Variants in STS observed in about 807,000 individuals in gnomAD.
STS encodes steroid sulfatase.
A neutral mutation model predicts 26.8 loss-of-function variants in STS; 7 were observed. The observed-to-expected ratio is 0.26, with a 90% CI of 0.15 to 0.49. The LOEUF (loss-of-function observed/expected upper bound fraction) is 0.49, where lower values mean the gene tolerates loss of function less well. Among genes scored for constraint, STS ranks in the 20% least tolerant of loss-of-function variants. STS has a pLI of 0.98. For missense variants in STS, 434 were observed against 465.6 expected, an observed-to-expected ratio of 0.93 and a Z score of 0.63; for synonymous variants, 199 against 189.4, an observed-to-expected ratio of 1.05 and a Z score of -0.42.
chrX:7,250,495 G>A (rs902640551), intron 2 of STS, among the ~76,000 whole-genome samples: 15 of 110,708 alleles, frequency 1.4e-4, no homozygotes, highest in African/African-American at 4.6e-4. Context: ...AGATAGACAA[G>A]GTTTTTGTTG....
chrX:7,290,809 T>C (rs184229903), intron 7 of STS, among the ~76,000 whole-genome samples: 1 of 111,963 alleles, frequency 8.9e-6, no homozygotes, highest in Non-Finnish European at 1.9e-5. Context: ...GATCATTTCA[T>C]TGCCTTTCTT....
intron 3 of STS, among the ~76,000 whole-genome samples, chrX:7,256,126 A>G (rs1166923939): frequency 2.7e-5 from 3 of 112,200 alleles, no homozygotes; most frequent in African/African-American, 9.7e-5. Flanking sequence ...GAACTGAAGG[A>G]TGGCAGATGA....
intron 1 of STS, among the ~76,000 whole-genome samples, chrX:7,152,207 C>T (rs1933032182): frequency 8.9e-6 from 1 of 111,996 alleles, no homozygotes; most frequent in South Asian, 3.7e-4. Flanking sequence ...CCCCCTCAGC[C>T]TCCCAAAGTG....
chrX:7,326,066 T>C (rs1927449652), intron 9 of STS, among the ~76,000 whole-genome samples: 2 of 111,328 alleles, frequency 1.8e-5, no homozygotes, highest in Middle Eastern at 9.1e-3. Context: ...CGACCTGCAT[T>C]GGGGAAGAGG....
chrX:7,347,331 C>G (rs1038616176), intron 10 of STS, among the ~76,000 whole-genome samples: 1 of 111,814 alleles, frequency 8.9e-6, no homozygotes, highest in Middle Eastern at 4.2e-3. Context: ...AGCACAGAGA[C>G]TAAGCAATCT....
At chrX:7,307,047 C>G (rs1392670702) in intron 8 of STS, among the ~76,000 whole-genome samples, 4 of 111,392 alleles carry the variant, frequency 3.6e-5, no homozygotes, top group Non-Finnish European at 7.5e-5. Flanking sequence ...GGAACCGTCT[C>G]CTACACCTTT....
At chrX:7,329,447 C>T (rs1927645093) in intron 9 of STS, among the ~76,000 whole-genome samples, 1 of 112,083 alleles carries the variant, frequency 8.9e-6, no homozygotes, top group Non-Finnish European at 1.9e-5. Context: ...TGGAAAATCC[C>T]ATCAAAACTT....
intron 7 of STS, among the ~76,000 whole-genome samples, chrX:7,282,695 T>C (rs1233322556): frequency 8.9e-6 from 1 of 112,285 alleles, no homozygotes; most frequent in Non-Finnish European, 1.9e-5. Flanking sequence ...TGGTAAAATA[T>C]TTTGATTTCC....
Position 7,325,401 on chromosome X carries a change from G to T in STS, c.1144G>T (p.Val382Leu). 8.3e-7 allele frequency: 1 copy of T among 1,211,365 alleles called. No individual in the cohort carries two copies. The highest frequency in any genetic ancestry group is 3.0e-5 in the East Asian group (1 of 33,795). ...RVPGILRWPR[V>L]IQAGQKIDEP... Reference sequence around the variant, plus strand: ...TCCAGGCATCCTTCGTTGGCCCAGGGTGATACAGGCTGGCCAGAAGATTGA... The same window carrying T: ...TCCAGGCATCCTTCGTTGGCCCAGGTTGATACAGGCTGGCCAGAAGATTGA... Residue 382 changes from valine to leucine, a missense_variant, in exon 9 of 11, where the codon GTG becomes TTG. Physicochemically the swap from Val to Leu is conservative, Grantham distance 32. Coordinates refer to ENST00000674429, the MANE Select transcript of STS (RefSeq NM_001320752.2).
intron 6 of STS, among the ~76,000 whole-genome samples, chrX:7,263,946 G>A (rs188406860): frequency 7.1e-5 from 8 of 111,922 alleles, no homozygotes; most frequent in Admixed American, 3.8e-4. Context: ...AAGTATTAAT[G>A]TAAAGAATAA....
intron 2 of STS, among the ~76,000 whole-genome samples, chrX:7,192,522 C>A (rs1041665423): frequency 9.2e-6 from 1 of 108,406 alleles, no homozygotes; most frequent in South Asian, 4.1e-4. Flanking sequence ...TGAGATTGTG[C>A]CACTGCACTC....
intron 6 of STS, 98 bp from the exon 7 acceptor site, chrX:7,275,853 G>T (rs1418056566): frequency 2.0e-6 from 2 of 1,010,989 alleles, no homozygotes; most frequent in African/African-American, 3.9e-5. Context: ...CAAATAGCCT[G>T]CTATGATAAT....
intron 2 of STS, among the ~76,000 whole-genome samples, chrX:7,222,781 G>A (rs1001528418): frequency 1.4e-4 from 15 of 110,197 alleles, no homozygotes; most frequent in African/African-American, 5.0e-4. Context: ...ATATTTAGGG[G>A]GTACAAGTAT....
chrX:7,346,958 A>G (rs749558082), intron 10 of STS, among the ~76,000 whole-genome samples: 38 of 110,447 alleles, frequency 3.4e-4, no homozygotes, highest in Non-Finnish European at 6.8e-4. Flanking sequence ...GGTCCCAGCT[A>G]CTTAGGAGGC....
intron 8 of STS, among the ~76,000 whole-genome samples, chrX:7,321,495 A>G (rs141310886): frequency 0.039 from 4,320 of 112,130 alleles, 195 homozygotes; most frequent in African/African-American, 0.13. Context: ...AAAACACACT[A>G]GAGCAGAGTG....
chrX:7,313,691 C>G (rs1926582608), intron 8 of STS, among the ~76,000 whole-genome samples: 2 of 111,908 alleles, frequency 1.8e-5, no homozygotes, highest in Admixed American at 1.9e-4. Flanking sequence ...TTCTATAGAA[C>G]ATGCCAGGCA....
At chrX:7,347,941 T>A (rs1031783821) in intron 10 of STS, among the ~76,000 whole-genome samples, 1 of 111,599 alleles carries the variant, frequency 9.0e-6, no homozygotes, top group Non-Finnish European at 1.9e-5. Context: ...TGCTGCCTTT[T>A]TAAACCCTGC....
intron 2 of STS, among the ~76,000 whole-genome samples, chrX:7,205,005 A>C (rs1338977016): frequency 8.9e-6 from 1 of 111,818 alleles, no homozygotes; most frequent in South Asian, 3.7e-4. Flanking sequence ...GTGGCCCCAC[A>C]TGGCCCTAGG....
At chrX:7,218,029 A>G (rs1181639121) in intron 2 of STS, among the ~76,000 whole-genome samples, 4 of 111,148 alleles carry the variant, frequency 3.6e-5, no homozygotes, top group Admixed American at 1.9e-4. Flanking sequence ...CTCTCAGATC[A>G]TGGAGGTTGG....
Sources: gnomAD v4.1 joint callset for allele counts (sites outside exome capture counted in the v4.1 genomes callset) on GRCh38, gnomAD v4.1.1 for gene constraint, MANE v1.5 for transcripts, NCBI Gene and HGNC (gene_info 2026-07-23, HGNC 2026-07-21) for gene names.